Variants in FZD3 observed in about 807,000 individuals in gnomAD.
FZD3 encodes the protein frizzled class receptor 3.
A neutral mutation model predicts 60.7 loss-of-function variants in FZD3; 30 were observed. The observed-to-expected ratio is 0.49, with a 90% CI of 0.37 to 0.67. The LOEUF is 0.67. FZD3 is among the 30% of genes least tolerant of loss of function. FZD3 has a pLI of 0.00. For synonymous variants in FZD3, 246 were observed against 275.2 expected, an observed-to-expected ratio of 0.89 and a Z score of 1.05; for missense variants, 605 against 838.7, an observed-to-expected ratio of 0.72 and a Z score of 3.44.
chr8:28,515,760 C>G (rs1198037499), intron 3 of FZD3, among the ~76,000 whole-genome samples: 1 of 152,214 alleles, frequency 6.6e-6, no homozygotes, highest in Non-Finnish European at 1.5e-5. Flanking sequence ...TTTTTCTTAT[C>G]TGTTGGGAGA....
At chr8:28,496,856 A>G (rs1423506395) in intron 1 of FZD3, among the ~76,000 whole-genome samples, 1 of 152,202 alleles carries the variant, frequency 6.6e-6, no homozygotes, top group Non-Finnish European at 1.5e-5. Flanking sequence ...TATCTCATTA[A>G]AATAATTCTG....
rs115940279 is a variant in FZD3 at position 28,542,998 on chromosome 8, G to A, written c.1405-8605G>A. Among the ~76,000 whole-genome samples, 271 of 152,268 alleles carry A rather than the reference G, an allele frequency of 1.8e-3. 5 individuals are homozygous for A. The highest frequency in any genetic ancestry group is 6.3e-3 in the African/African-American group (263 of 41,544). ...AGGATAGGATGTATCTCTAAGGATA[G>A]GATTTAGACTCTAGATGATCAGTCA... On this transcript the variant is annotated intron_variant, in intron 5 of 7. Coordinates refer to ENST00000240093, the MANE Select transcript of FZD3 (RefSeq NM_017412.4).
intron 5 of FZD3, among the ~76,000 whole-genome samples, chr8:28,533,576 TG>T (rs1364692415): frequency 6.9e-6 from 1 of 144,716 alleles, no homozygotes; most frequent in East Asian, 2.3e-4. Context: ...AGTAACTTTA[TG>T]TTTGTTTTGT....
At chr8:28,562,411 A>G (rs1302786006) in intron 7 of FZD3, among the ~76,000 whole-genome samples, 1 of 150,904 alleles carries the variant, frequency 6.6e-6, no homozygotes, top group Non-Finnish European at 1.5e-5. Context: ...GATTATAACC[A>G]CTCTTCTTGG....
chr8:28,494,976 C>T (rs1303671684), intron 1 of FZD3, among the ~76,000 whole-genome samples: 4 of 152,160 alleles, frequency 2.6e-5, no homozygotes, highest in Admixed American at 2.6e-4. Context: ...GCGAGCTTCC[C>T]CCGGCTGCCT....
intron 4 of FZD3, among the ~76,000 whole-genome samples, chr8:28,524,862 A>G (rs184926823): frequency 2.0e-5 from 3 of 152,252 alleles, no homozygotes; most frequent in African/African-American, 4.8e-5. Flanking sequence ...CACGACCTCA[A>G]TTTTGGCATA....
Position 28,551,636 on chromosome 8 carries a change from T to C in FZD3, c.1438T>C (p.Phe480Leu). ...AATGAGTCGTCCAGACTTGATTCTC[T>C]TTCTGATGAAATACCTGATGGCTCT... ...TQMSRPDLIL[F>L]LMKYLMALIV... Residue 480 changes from phenylalanine (F) to leucine (L), a missense_variant, in exon 6 of 8, where the codon TTT becomes CTT. Coordinates refer to ENST00000240093, the MANE Select transcript of FZD3 (RefSeq NM_017412.4). 6.2e-7 allele frequency: 1 copy of C among 1,610,888 alleles called. No individual in the cohort carries two copies. The highest frequency in any genetic ancestry group is 8.5e-7 in the Non-Finnish European group (1 of 1,177,390).
At chr8:28,521,056 A>G (rs547277909) in intron 4 of FZD3, among the ~76,000 whole-genome samples, 1 of 152,346 alleles carries the variant, frequency 6.6e-6, no homozygotes, top group East Asian at 1.9e-4. Context: ...TAAAAGACTT[A>G]AGAATTACAT....
At chr8:28,554,321 A>G (rs1030272988) in intron 6 of FZD3, among the ~76,000 whole-genome samples, 5 of 152,220 alleles carry the variant, frequency 3.3e-5, no homozygotes, top group African/African-American at 1.2e-4. Context: ...AAAGTCAACA[A>G]CCAAGAATGA....
intron 1 of FZD3, among the ~76,000 whole-genome samples, chr8:28,496,730 G>A (rs1158598593): frequency 6.6e-6 from 1 of 152,068 alleles, no homozygotes; most frequent in Non-Finnish European, 1.5e-5. Context: ...TTTCCAATTC[G>A]TCATGTTGGG....
At position 28,567,866 on chromosome 8, in the gene FZD3, T is replaced by C. The variant is rs1228132437; in HGVS notation, c.*4855T>C. 2 of 152,166 alleles carry C rather than the reference T, an allele frequency of 1.3e-5. No homozygotes were observed. Among genetic ancestry groups the C allele is most frequent in the Non-Finnish European group, 2.9e-5 (2 of 68,020 alleles). 9.4% of individuals were successfully genotyped at this position (152,166 alleles called of 1,614,324 possible). On this transcript the variant is annotated 3_prime_UTR_variant, in exon 8 of 8. Coordinates refer to ENST00000240093, the MANE Select transcript of FZD3 (RefSeq NM_017412.4). ...TTTTATTTTTCCTTTTATATGAAAT[T>C]GTATAAGTACATTAGCTTGACTTAA...
rs1289508337 is a variant in FZD3 at position 28,527,774 on chromosome 8, C to T, written c.1014C>T (p.Ile338=). Residue 338 remains isoleucine, a synonymous_variant, in exon 5 of 8, where the codon ATC becomes ATT. Transcript: ENST00000240093. The surrounding 1 kb of genome is among the most constrained non-coding windows in gnomAD (Gnocchi z 5.0). ...ALLFHASAWG[I]PGTLTIILLA... Reference sequence around the variant, plus strand: ...TGTTTCACGCCAGTGCATGGGGCATCCCCGGAACTCTAACCATCATCCTTT... The same window carrying T: ...TGTTTCACGCCAGTGCATGGGGCATTCCCGGAACTCTAACCATCATCCTTT... The T allele has an allele frequency of 1.2e-6, 2 of 1,614,104 alleles. No homozygotes were observed. The highest frequency in any genetic ancestry group is 4.5e-5 in the East Asian group (2 of 44,884).
chr8:28,546,468 G>C (rs1805295450), intron 5 of FZD3, among the ~76,000 whole-genome samples: 1 of 151,958 alleles, frequency 6.6e-6, no homozygotes, highest in African/African-American at 2.4e-5. Flanking sequence ...TGTATATTTG[G>C]TAATTTGGAT....
rs150615527 is a variant in FZD3, at chr8:28,512,846, A to C, written c.190-7792A>C. ...ATTTTTTTACTGTGGTTTTTATTTTAAGAGAATAGTATAATGTACACCCAT... is the reference window on the plus strand; with the variant it reads ...ATTTTTTTACTGTGGTTTTTATTTTCAGAGAATAGTATAATGTACACCCAT... On this transcript the variant is annotated intron_variant, in intron 3 of 7. Transcript: ENST00000240093. Among the ~76,000 whole-genome samples, 79 of 152,246 alleles carry C rather than the reference A, an allele frequency of 5.2e-4. No individual in the cohort carries two copies. In the East Asian group the frequency reaches 0.013, roughly 26 times the overall value.
At position 28,573,056 on chromosome 8, in the gene FZD3, ATC is replaced by A. The variant is rs1805833572; in HGVS notation, c.*10050_*10051del. 1 of 152,082 alleles carries A rather than the reference ATC, an allele frequency of 6.6e-6. No homozygotes were observed. The highest frequency in any genetic ancestry group is 2.4e-5 in the African/African-American group (1 of 41,414). The allele number at this position is 152,082 out of a possible 1,614,324, so 9.4% of individuals were successfully genotyped here. A position where few individuals can be genotyped will look rare whatever the true frequency, so the allele number is the denominator to read the frequency against. On this transcript the variant is annotated 3_prime_UTR_variant, in exon 8 of 8. Coordinates refer to ENST00000240093, the MANE Select transcript of FZD3 (RefSeq NM_017412.4). ...TTTATAGTGGAGAAAGGTTACTTTG[ATC>A]TCTCAATAATTGCTTGGTACACTTC...
intron 5 of FZD3, among the ~76,000 whole-genome samples, chr8:28,544,313 T>TGTAAGAA (rs1447921145): frequency 6.6e-6 from 1 of 152,062 alleles, no homozygotes; most frequent in African/African-American, 2.4e-5. Context: ...TATTGGAAAA[T>TGTAAGAA]GTAAGAAAGG....
chr8:28,538,259 G>T (rs1333742460), intron 5 of FZD3, among the ~76,000 whole-genome samples: 1 of 151,744 alleles, frequency 6.6e-6, no homozygotes, highest in African/African-American at 2.4e-5. Flanking sequence ...ATCTTTGAAG[G>T]CATTACCATA....
intron 5 of FZD3, among the ~76,000 whole-genome samples, chr8:28,535,684 T>C (rs147972361): frequency 1.2e-3 from 182 of 152,348 alleles, no homozygotes; most frequent in African/African-American, 4.1e-3. Context: ...TTATGAAATA[T>C]AGTCTGAGTA....
intron 2 of FZD3, among the ~76,000 whole-genome samples, chr8:28,501,047 A>T (rs1489497576): frequency 6.6e-6 from 1 of 152,214 alleles, no homozygotes; most frequent in Admixed American, 6.5e-5. Flanking sequence ...AGCGTGAGCC[A>T]CTGCGCCCTG....
Sources: gnomAD v4.1 joint callset for allele counts (sites outside exome capture counted in the v4.1 genomes callset) on GRCh38, gnomAD v4.1.1 for gene constraint, Gnocchi (gnomAD v3.1) non-coding constraint, MANE v1.5 for transcripts, NCBI Gene and HGNC (gene_info 2026-07-23, HGNC 2026-07-21) for gene names.